The following POU3F2 variants were observed in gnomAD, a reference collection of about 807,000 sequenced individuals.
POU3F2 encodes POU class 3 homeobox 2.
In POU3F2, 11 loss-of-function variants were observed where a neutral mutation model predicts 33.1. The observed-to-expected ratio is 0.33, with a 90% CI of 0.21 to 0.55. POU3F2 has a LOEUF of 0.55. POU3F2 is among the 20% of genes least tolerant of loss of function. The pLI, the probability that POU3F2 is intolerant of heterozygous loss-of-function variation, is 0.91. For synonymous variants in POU3F2, 332 were observed against 289.6 expected, an observed-to-expected ratio of 1.15 and a Z score of -1.49; for missense variants, 456 against 620.2, an observed-to-expected ratio of 0.74 and a Z score of 2.81.
chr6:98,837,987 A>T lies in POU3F2; in HGVS notation c.*1782A>T, dbSNP rs1770022818. 1 of 166,934 alleles carries T rather than the reference A, an allele frequency of 6.0e-6. No homozygotes were observed. Among genetic ancestry groups the T allele is most frequent in the South Asian group, 2.1e-4 (1 of 4,828 alleles). 10.3% of individuals were successfully genotyped at this position (166,934 alleles called of 1,614,324 possible). A position where few individuals can be genotyped will look rare whatever the true frequency, so the allele number is the denominator to read the frequency against. ...ATAAATTTTTATTTTAAAAAATGAA[A>T]GTCTCACTACCATAAAATTATGGTT... On this transcript the variant is annotated 3_prime_UTR_variant, in exon 1 of 1. Transcript: ENST00000328345.
rs369811680 is a variant in POU3F2 at position 98,836,133 on chromosome 6, G to T, written c.1260G>T (p.Pro420=). The change falls in exon 1 of 1, where the codon CCG becomes CCT. Residue 420 remains proline (P), a synonymous_variant. Coordinates refer to ENST00000328345, the MANE Select transcript of POU3F2 (RefSeq NM_005604.4). ...KRMTPPGGTL[P]GAEDVYGGSR... is the part of the protein sequence containing the mutation. Reference sequence around the variant, plus strand: ...TGACCCCTCCCGGAGGGACTCTGCCGGGCGCCGAGGATGTGTACGGGGGGA... The same window carrying T: ...TGACCCCTCCCGGAGGGACTCTGCCTGGCGCCGAGGATGTGTACGGGGGGA... 128 of 1,605,054 alleles carry T rather than the reference G, an allele frequency of 8.0e-5. 1 individual carries two copies. In the South Asian group the frequency reaches 1.4e-3, roughly 17 times the overall value.
chr6:98,834,760 G>GT lies in POU3F2; in HGVS notation c.-113dup. The GT allele has an allele frequency of 8.1e-7, 1 of 1,232,560 alleles. No individual in the cohort carries two copies. The highest frequency in any genetic ancestry group is 1.1e-6 in the Non-Finnish European group (1 of 903,218). 76.4% of individuals were successfully genotyped at this position (1,232,560 alleles called of 1,614,324 possible). ...GGAGCGGGCGTCGGAGCTGCCCGCT[G>GT]TGGGAGAGAGAGGAGACAGAAAGAG... On this transcript the variant is annotated 5_prime_UTR_variant, in exon 1 of 1. Transcript: ENST00000328345.
At position 98,836,407 on chromosome 6, in the gene POU3F2, G is replaced by A. The variant is rs1395065161; in HGVS notation, c.*202G>A. 2 of 650,770 alleles carry A rather than the reference G, an allele frequency of 3.1e-6. No individual in the cohort carries two copies. Among genetic ancestry groups the A allele is most frequent in the East Asian group, 3.3e-5 (1 of 30,586 alleles). 40.3% of individuals were successfully genotyped at this position (650,770 alleles called of 1,614,324 possible). A position where few individuals can be genotyped will look rare whatever the true frequency, so the allele number is the denominator to read the frequency against. On this transcript the variant is annotated 3_prime_UTR_variant, in exon 1 of 1. Coordinates refer to ENST00000328345, the MANE Select transcript of POU3F2 (RefSeq NM_005604.4). Reference sequence around the variant, plus strand: ...GGACTATCCTTTAAAGGTAGCAGGTGTAATGATGTGTTTTGACCTTTGCAG... The same window carrying A: ...GGACTATCCTTTAAAGGTAGCAGGTATAATGATGTGTTTTGACCTTTGCAG...
chr6:98,839,178 A>T lies in POU3F2; in HGVS notation c.*2973A>T, dbSNP rs1693739152. 6.6e-6 allele frequency: 1 copy of T among 152,166 alleles called. No individual in the cohort carries two copies. Among genetic ancestry groups the T allele is most frequent in the Non-Finnish European group, 1.5e-5 (1 of 68,030 alleles). 9.4% of individuals were successfully genotyped at this position (152,166 alleles called of 1,614,324 possible). A position where few individuals can be genotyped will look rare whatever the true frequency, so the allele number is the denominator to read the frequency against. ...GTTTGTCCCCTTTAAACATATGCAG[A>T]TATGCCTGCATCTTCTTTCCAGGTT... On this transcript the variant is annotated 3_prime_UTR_variant, in exon 1 of 1. Coordinates refer to ENST00000328345, the MANE Select transcript of POU3F2 (RefSeq NM_005604.4).
rs1770016847 is a variant in POU3F2, at chr6:98,837,652, C to G, written c.*1447C>G. 1 of 164,482 alleles carries G rather than the reference C, an allele frequency of 6.1e-6. No homozygotes were observed. The highest frequency in any genetic ancestry group is 6.7e-5 in the Admixed American group (1 of 14,874). 10.2% of individuals were successfully genotyped at this position (164,482 alleles called of 1,614,324 possible). A position where few individuals can be genotyped will look rare whatever the true frequency, so the allele number is the denominator to read the frequency against. On this transcript the variant is annotated 3_prime_UTR_variant, in exon 1 of 1. Coordinates refer to ENST00000328345, the MANE Select transcript of POU3F2 (RefSeq NM_005604.4). ...ACTTTGACTTGGACAGCTTTCTGCC[C>G]CCTCTTTCACTAAGGAAGGCAAATG...
In POU3F2 at chr6:98,835,919, C is replaced by G; in HGVS notation, c.1046C>G (p.Ala349Gly). 1 of 1,614,208 alleles carries G rather than the reference C, an allele frequency of 6.2e-7. No individual in the cohort carries two copies. Among genetic ancestry groups the G allele is most frequent in the South Asian group, 1.1e-5 (1 of 91,086 alleles). The change falls in exon 1 of 1, where the codon GCA becomes GGA. Residue 349 changes from alanine to glycine, a missense_variant. By Grantham distance (60) the Ala-to-Gly change is moderately conservative. Around this residue, in one of 6 missense-constraint regions of POU3F2, gnomAD observed 48 missense variants for 96.0 expected, o/e 0.50. Transcript: ENST00000328345. The surrounding 1 kb of genome is among the most constrained non-coding windows in gnomAD (Gnocchi z 9.7). ...AGCCCCACGAGCATAGACAAGATCG[C>G]AGCGCAAGGGCGCAAGCGGAAAAAG... The part of the protein sequence containing the change: ...SGSPTSIDKI[A>G]AQGRKRKKRT...
chr6:98,834,746 C>T lies in POU3F2; in HGVS notation c.-128C>T. ...CAACAGAAGGCGTCGGAGCGGGCGT[C>T]GGAGCTGCCCGCTGTGGGAGAGAGA... On this transcript the variant is annotated 5_prime_UTR_variant, in exon 1 of 1. Transcript: ENST00000328345. The T allele has an allele frequency of 3.7e-6, 4 of 1,084,314 alleles. No individual in the cohort carries two copies. The highest frequency in any genetic ancestry group is 5.1e-6 in the Non-Finnish European group (4 of 783,074). 67.2% of individuals were successfully genotyped at this position (1,084,314 alleles called of 1,614,324 possible).
rs1031475477 is a variant in POU3F2 at position 98,839,159 on chromosome 6, C to G, written c.*2954C>G. ...CATGGTCCTACAAAGAGATGTTTGT[C>G]CCCTTTAAACATATGCAGATATGCC... On this transcript the variant is annotated 3_prime_UTR_variant, in exon 1 of 1. Coordinates refer to ENST00000328345, the MANE Select transcript of POU3F2 (RefSeq NM_005604.4). 1.3e-5 allele frequency: 2 copies of G among 152,120 alleles called. No individual in the cohort carries two copies. The highest frequency in any genetic ancestry group is 4.8e-5 in the African/African-American group (2 of 41,422). The allele number at this position is 152,120 out of a possible 1,614,324, so 9.4% of individuals were successfully genotyped here.
At position 98,835,427 on chromosome 6, in the gene POU3F2, A is replaced by C. The variant is rs1355184153; in HGVS notation, c.554A>C (p.Asn185Thr). Reference protein sequence around the residue: ...AHLPPSMGASNGGLLYSQPSF... With the variant: ...AHLPPSMGASTGGLLYSQPSF... ...CTCCCACCCTCCATGGGAGCGTCCA[A>C]CGGCGGCTTGCTCTACTCGCAGCCC... The change falls in exon 1 of 1, where the codon AAC (asparagine) becomes ACC (threonine). Residue 185 changes from asparagine (N) to threonine (T), a missense_variant. Physicochemically the swap from Asn to Thr is moderately conservative, Grantham distance 65. Around this residue, in one of 6 missense-constraint regions of POU3F2, gnomAD observed 341 missense variants for 382.4 expected, o/e 0.89. Transcript: ENST00000328345. This position sits in a 1 kb window ranked among gnomAD's most constrained non-coding sequence, Gnocchi z 9.7. The C allele has an allele frequency of 1.9e-6, 3 of 1,587,966 alleles. No homozygotes were observed. In the East Asian group the frequency reaches 7.0e-5, roughly 37 times the overall value.
chr6:98,834,839 C>T lies in POU3F2; in HGVS notation c.-35C>T, dbSNP rs1181568073. 1.3e-6 allele frequency: 2 copies of T among 1,585,260 alleles called. No individual in the cohort carries two copies. Among genetic ancestry groups the T allele is most frequent in the Non-Finnish European group, 1.7e-6 (2 of 1,172,802 alleles). On this transcript the variant is annotated 5_prime_UTR_variant, in exon 1 of 1. Coordinates refer to ENST00000328345, the MANE Select transcript of POU3F2 (RefSeq NM_005604.4). ...AAAGTAACTGTCAAATGCGCGGCTC[C>T]TTTAACCGGAGCGCTCAGTCCGGCT...
At position 98,835,347 on chromosome 6, in the gene POU3F2, C is replaced by T. The variant is rs770323148; in HGVS notation, c.474C>T (p.Ala158=). The change falls in exon 1 of 1, where the codon GCC becomes GCT. Residue 158 remains alanine (A), a synonymous_variant. Transcript: ENST00000328345. The surrounding 1 kb of genome is among the most constrained non-coding windows in gnomAD (Gnocchi z 9.7). ...GGCCGCCGCATCTGGTGCACCACGC[C>T]GCTAACCACCACCCGGGACCCGGGG... ...QQRPPHLVHH[A]ANHHPGPGAW... The T allele has an allele frequency of 1.3e-6, 2 of 1,547,684 alleles. No homozygotes were observed. Among genetic ancestry groups the T allele is most frequent in the Admixed American group, 1.9e-5 (1 of 51,334 alleles).
chr6:98,836,157 G>T lies in POU3F2; in HGVS notation c.1284G>T (p.Gly428=), dbSNP rs780196287. ...TLPGAEDVYG[G]SRDTPPHHGV... ...CGGGCGCCGAGGATGTGTACGGGGG[G>T]AGTAGGGACACTCCACCACACCACG... Residue 428 remains glycine (G), a synonymous_variant, in exon 1 of 1, where the codon GGG becomes GGT. Coordinates refer to ENST00000328345, the MANE Select transcript of POU3F2 (RefSeq NM_005604.4). 44 of 1,599,442 alleles carry T rather than the reference G, an allele frequency of 2.8e-5. No homozygotes were observed. The highest frequency in any genetic ancestry group is 3.6e-5 in the Non-Finnish European group (42 of 1,176,598).
chr6:98,834,734 C>A lies in POU3F2; in HGVS notation c.-140C>A. ...TAGCAGGAGCAGCAACAGAAGGCGT[C>A]GGAGCGGGCGTCGGAGCTGCCCGCT... On this transcript the variant is annotated 5_prime_UTR_variant, in exon 1 of 1. Coordinates refer to ENST00000328345, the MANE Select transcript of POU3F2 (RefSeq NM_005604.4). The A allele has an allele frequency of 1.1e-6, 1 of 937,186 alleles. No individual in the cohort carries two copies. Among genetic ancestry groups the A allele is most frequent in the Non-Finnish European group, 1.5e-6 (1 of 650,762 alleles). The allele number at this position is 937,186 out of a possible 1,614,324, so 58.1% of individuals were successfully genotyped here.
At position 98,836,242 on chromosome 6, in the gene POU3F2, C is replaced by T. The variant is rs202224147; in HGVS notation, c.*37C>T. 235 of 1,543,392 alleles carry T rather than the reference C, an allele frequency of 1.5e-4. 1 individual carries two copies. The East Asian group carries it at 5.2e-3, about 34-fold the overall frequency. ...GGGAGGGGCAGAGCGCGGGGCTCCCCCTCCCCTTCGGTCCTTGGCCCTTTC... is the reference window on the plus strand; with the variant it reads ...GGGAGGGGCAGAGCGCGGGGCTCCCTCTCCCCTTCGGTCCTTGGCCCTTTC... On this transcript the variant is annotated 3_prime_UTR_variant, in exon 1 of 1. Transcript: ENST00000328345.
At position 98,836,363 on chromosome 6, in the gene POU3F2, G is replaced by A. The variant is rs1402920678; in HGVS notation, c.*158G>A. Reference sequence around the variant, plus strand: ...AAAAGACAAAAAAAATAAGGCAAAAGGAAAGCAACTAAGACACTGGACTAT... The same window carrying A: ...AAAAGACAAAAAAAATAAGGCAAAAAGAAAGCAACTAAGACACTGGACTAT... On this transcript the variant is annotated 3_prime_UTR_variant, in exon 1 of 1. Transcript: ENST00000328345. 7 of 966,392 alleles carry A rather than the reference G, an allele frequency of 7.2e-6. No homozygotes were observed. The highest frequency in any genetic ancestry group is 3.3e-4 in the Middle Eastern group (1 of 2,996). The allele number at this position is 966,392 out of a possible 1,614,324, so 59.9% of individuals were successfully genotyped here.
rs1164635051 is a variant in POU3F2 at position 98,837,474 on chromosome 6, A to G, written c.*1269A>G. The G allele has an allele frequency of 1.2e-5, 2 of 167,024 alleles. No homozygotes were observed. The highest frequency in any genetic ancestry group is 2.9e-5 in the Non-Finnish European group (2 of 68,110). The allele number at this position is 167,024 out of a possible 1,614,324, so 10.3% of individuals were successfully genotyped here. A position where few individuals can be genotyped will look rare whatever the true frequency, so the allele number is the denominator to read the frequency against. ...GACCCAGGAACTTAATAGTGTATGC[A>G]TAAGACTGTGTTTTTTAGCACACAG... On this transcript the variant is annotated 3_prime_UTR_variant, in exon 1 of 1. Transcript: ENST00000328345.
At position 98,836,136 on chromosome 6, in the gene POU3F2, C is replaced by A; in HGVS notation, c.1263C>A (p.Gly421=). 6.2e-7 allele frequency: 1 copy of A among 1,604,938 alleles called. No individual in the cohort carries two copies. Among genetic ancestry groups the A allele is most frequent in the South Asian group, 1.1e-5 (1 of 89,734 alleles). The change falls in exon 1 of 1, where the codon GGC becomes GGA. Residue 421 remains glycine (G), a synonymous_variant. Coordinates refer to ENST00000328345, the MANE Select transcript of POU3F2 (RefSeq NM_005604.4). The stretch of plus-strand genomic sequence containing the variant: ...CCCCTCCCGGAGGGACTCTGCCGGG[C>A]GCCGAGGATGTGTACGGGGGGAGTA... ...RMTPPGGTLP[G]AEDVYGGSRD...
In POU3F2 at chr6:98,834,598, G is replaced by C. The variant is rs956129747; in HGVS notation, c.-276G>C. ...GAGAGAGCTGGAGAGAGCAGGGAGA[G>C]GGGGGAGCGCCGAGCTAGTCAGAGA... On this transcript the variant is annotated 5_prime_UTR_variant, in exon 1 of 1. Transcript: ENST00000328345. 4.0e-5 allele frequency: 19 copies of C among 478,270 alleles called. No homozygotes were observed. The highest frequency in any genetic ancestry group is 5.6e-4 in the Middle Eastern group (1 of 1,798). The allele number at this position is 478,270 out of a possible 1,614,324, so 29.6% of individuals were successfully genotyped here.
rs1284911853 is a variant in POU3F2, at chr6:98,839,071, A to G, written c.*2866A>G. 6.6e-6 allele frequency: 1 copy of G among 151,972 alleles called. No individual in the cohort carries two copies. Among genetic ancestry groups the G allele is most frequent in the Non-Finnish European group, 1.5e-5 (1 of 68,028 alleles). 9.4% of individuals were successfully genotyped at this position (151,972 alleles called of 1,614,324 possible). A position where few individuals can be genotyped will look rare whatever the true frequency, so the allele number is the denominator to read the frequency against. On this transcript the variant is annotated 3_prime_UTR_variant, in exon 1 of 1. Coordinates refer to ENST00000328345, the MANE Select transcript of POU3F2 (RefSeq NM_005604.4). ...ACTATCAGTCCCAAATCTTTCAGTC[A>G]CTATGCCTGTAGCATTAAATTGAAA...
Sources: allele counts gnomAD v4.1 joint callset, GRCh38; gene constraint gnomAD v4.1.1; regional missense constraint gnomAD v4.1.1; non-coding constraint Gnocchi (gnomAD v3.1); transcripts MANE v1.5; gene names NCBI Gene and HGNC (gene_info 2026-07-23, HGNC 2026-07-21).